The following PSD3 variants were observed in gnomAD, a reference collection of about 807,000 sequenced individuals.
The protein encoded by PSD3 is pleckstrin and Sec7 domain containing 3, also known as PH and SEC7 domain-containing protein 3.
A neutral mutation model predicts 105.5 loss-of-function variants in PSD3; 49 were observed. That is an observed-to-expected ratio of 0.46 (90% CI 0.37 to 0.59). The LOEUF (loss-of-function observed/expected upper bound fraction) is 0.59. Among genes scored for constraint, PSD3 ranks in the 20% least tolerant of loss-of-function variants. PSD3 has a pLI of 0.00. For missense variants in PSD3, 1,561 were observed against 1,263.8 expected, an observed-to-expected ratio of 1.24 and a Z score of -3.57; for synonymous variants, 557 against 457.8, an observed-to-expected ratio of 1.22 and a Z score of -2.77.
chr8:18,617,207 C>G (rs532807133), intron 11 of PSD3, among the ~76,000 whole-genome samples: 11 of 152,186 alleles, frequency 7.2e-5, no homozygotes, highest in South Asian at 4.1e-4. Context: ...ACATGCAAAA[C>G]AAACTGAGAT....
chr8:18,863,509 G>A (rs1816607050), intron 4 of PSD3, among the ~76,000 whole-genome samples: 1 of 152,086 alleles, frequency 6.6e-6, no homozygotes, highest in Admixed American at 6.5e-5. Flanking sequence ...AGCTGTTTCC[G>A]GCTGACATGT....
intron 9 of PSD3, among the ~76,000 whole-genome samples, chr8:18,675,134 G>C (rs1168673319): frequency 6.6e-6 from 1 of 152,174 alleles, no homozygotes; most frequent in Non-Finnish European, 1.5e-5. Flanking sequence ...TGTACGTCTA[G>C]TTAGGTAGGA....
At chr8:18,840,326 G>T (rs750780591) in intron 4 of PSD3, among the ~76,000 whole-genome samples, 9 of 152,178 alleles carry the variant, frequency 5.9e-5, no homozygotes, top group Non-Finnish European at 1.2e-4. Flanking sequence ...GAACATGTTG[G>T]CCTCCCAAAG....
chr8:18,846,512 C>T (rs960069796), intron 4 of PSD3, among the ~76,000 whole-genome samples: 1 of 152,168 alleles, frequency 6.6e-6, no homozygotes, highest in Non-Finnish European at 1.5e-5. Flanking sequence ...GGGAAACTCA[C>T]ACCAGGAAGC....
chr8:18,974,794 C>G (rs1368803139), intron 1 of PSD3, among the ~76,000 whole-genome samples: 1 of 152,046 alleles, frequency 6.6e-6, no homozygotes, highest in Admixed American at 6.6e-5. Context: ...GCACAGAAGA[C>G]CTGCTAGCTA....
intron 10 of PSD3, among the ~76,000 whole-genome samples, chr8:18,634,337 A>G (rs184433933): frequency 6.6e-6 from 1 of 152,062 alleles, no homozygotes; most frequent in South Asian, 2.1e-4. Flanking sequence ...GAAGAAATGG[A>G]TATTTTACTT....
At chr8:18,606,155 A>T (rs2634457) in intron 11 of PSD3, among the ~76,000 whole-genome samples, 110,944 of 152,098 alleles carry the variant, frequency 0.73, 40,671 homozygotes, top group East Asian at 0.83. Flanking sequence ...AGACATTATA[A>T]CTTTGAATAA....
chr8:18,580,376 C>G (rs1226551534), intron 12 of PSD3, among the ~76,000 whole-genome samples: 1 of 152,084 alleles, frequency 6.6e-6, no homozygotes, highest in Non-Finnish European at 1.5e-5. Flanking sequence ...AAGCCCTCCC[C>G]TGATGCGACC....
At chr8:18,677,834 C>T (rs928929779) in intron 9 of PSD3, among the ~76,000 whole-genome samples, 2 of 151,946 alleles carry the variant, frequency 1.3e-5, no homozygotes, top group African/African-American at 4.8e-5. Context: ...CACGGTGAAA[C>T]CCCATCTCTA....
chr8:18,798,319 T>G (rs1464004312), intron 8 of PSD3, among the ~76,000 whole-genome samples: 1 of 152,164 alleles, frequency 6.6e-6, no homozygotes, highest in Admixed American at 6.6e-5. Flanking sequence ...GCTGAGTATT[T>G]TGAGATATGT....
chr8:18,895,325 T>C (rs1819075864), intron 2 of PSD3, among the ~76,000 whole-genome samples: 1 of 152,190 alleles, frequency 6.6e-6, no homozygotes, highest in Non-Finnish European at 1.5e-5. Flanking sequence ...TGGTGGAGAA[T>C]TCCTATTTCA....
At chr8:18,797,128 G>A (rs1810255350) in intron 8 of PSD3, among the ~76,000 whole-genome samples, 1 of 151,996 alleles carries the variant, frequency 6.6e-6, no homozygotes, top group Admixed American at 6.6e-5. Flanking sequence ...ATATTTACAT[G>A]GTTAGTTCTT....
chr8:18,641,793 C>T (rs899440910), intron 10 of PSD3, among the ~76,000 whole-genome samples: 20 of 152,106 alleles, frequency 1.3e-4, no homozygotes, highest in East Asian at 1.9e-4. Flanking sequence ...GAAAATAAAG[C>T]GAAGAATGAA....
At chr8:18,564,049 T>A (rs1801574466) in intron 14 of PSD3, among the ~76,000 whole-genome samples, 2 of 152,094 alleles carry the variant, frequency 1.3e-5, no homozygotes, top group African/African-American at 4.8e-5. Context: ...AACTCGTTTA[T>A]GAGTTTTCAA....
intron 2 of PSD3, among the ~76,000 whole-genome samples, chr8:18,893,349 T>C (rs113714584): frequency 5.3e-4 from 81 of 152,128 alleles, no homozygotes; most frequent in African/African-American, 1.9e-3. Context: ...TCCCTAAAAG[T>C]AGAAAAGTCA....
At chr8:18,786,864 G>T (rs371079972) in intron 8 of PSD3, 2 of 152,288 alleles carry the variant, frequency 1.3e-5, no homozygotes, top group Admixed American at 6.5e-5. Context: ...AGGAACAAAA[G>T]GTGAGGAGTC....
chr8:18,896,665 G>A (rs1328735418), intron 2 of PSD3, among the ~76,000 whole-genome samples: 7 of 151,764 alleles, frequency 4.6e-5, no homozygotes, highest in East Asian at 3.9e-4. Flanking sequence ...TGCCCACCTC[G>A]GCCTCCCAAA....
intron 14 of PSD3, among the ~76,000 whole-genome samples, chr8:18,570,843 CTATTAT>C (rs57603961): frequency 0.12 from 13,729 of 117,292 alleles, 1,330 homozygotes; most frequent in African/African-American, 0.26. Context: ...CTGCTTAAAA[CTATTAT>C]TATTATTATT....
chr8:18,896,139 A>G (rs566832283), intron 2 of PSD3, among the ~76,000 whole-genome samples: 34 of 152,388 alleles, frequency 2.2e-4, no homozygotes, highest in African/African-American at 8.2e-4. Flanking sequence ...TGCCATGAAT[A>G]ACAGAATTTC....
Sources: allele counts gnomAD v4.1 joint callset (sites outside exome capture counted in the v4.1 genomes callset), GRCh38; gene constraint gnomAD v4.1.1; transcripts MANE v1.5; gene names NCBI Gene and HGNC (gene_info 2026-07-23, HGNC 2026-07-21).